The following ADGRL2 variants were observed in gnomAD, a reference collection of about 807,000 sequenced individuals.
ADGRL2 encodes adhesion G protein-coupled receptor L2, also known as calcium-independent alpha-latrotoxin receptor 2.
Under a neutral mutation model 157.4 loss-of-function variants are expected in ADGRL2, and 44 were observed. The ratio of observed to expected loss-of-function variants is 0.28; its 90% confidence interval spans 0.22 to 0.36. The LOEUF is 0.36. ADGRL2 is among the 10% of genes least tolerant of loss of function. ADGRL2 has a pLI of 1.00. For synonymous variants in ADGRL2, 585 were observed against 624.7 expected, an observed-to-expected ratio of 0.94 and a Z score of 0.95; for missense variants, 1,510 against 1,768.9, an observed-to-expected ratio of 0.85 and a Z score of 2.63.
At chr1:81,666,849 A>G (rs2082761010) in intron 3 of ADGRL2, among the ~76,000 whole-genome samples, 1 of 152,238 alleles carries the variant, frequency 6.6e-6, no homozygotes, top group Non-Finnish European at 1.5e-5. Flanking sequence ...CTTATTAAAC[A>G]GAAGCTAATG....
intron 6 of ADGRL2, among the ~76,000 whole-genome samples, chr1:81,945,057 A>G (rs967932107): frequency 6.6e-6 from 1 of 152,146 alleles, no homozygotes; most frequent in Admixed American, 6.6e-5. Flanking sequence ...TTTGGCTTAT[A>G]GTTGTAGCAG....
rs1299773612 is a variant in ADGRL2, at chr1:81,800,938, G to A, written c.-231G>A. On this transcript the variant is annotated 5_prime_UTR_variant, in exon 1 of 24. It adds an upstream start codon to the 5' untranslated region. Coordinates refer to ENST00000686636, the MANE Select transcript of ADGRL2 (RefSeq NM_001366006.2). ...CGCCTCCGGGGCGCGTTCCACGGCC[G>A]TGCGCGCGCGTCCCTCGCCGCCACC... is the stretch of plus-strand genomic sequence containing the variant. 6.7e-6 allele frequency among the ~76,000 whole-genome samples: 1 copy of A among 148,992 alleles called. No individual in the cohort carries two copies. The highest frequency in any genetic ancestry group is 1.5e-5 in the Non-Finnish European group (1 of 66,964).
intron 1 of ADGRL2, among the ~76,000 whole-genome samples, chr1:81,726,217 C>G (rs758259508): frequency 1.2e-4 from 18 of 152,324 alleles, no homozygotes; most frequent in Non-Finnish European, 2.4e-4. Context: ...GAGAACTTCT[C>G]TCTCACAACC....
chr1:81,448,385 A>T (rs1233776967), intron 2 of ADGRL2, among the ~76,000 whole-genome samples: 2 of 151,764 alleles, frequency 1.3e-5, no homozygotes, highest in Non-Finnish European at 2.9e-5. Flanking sequence ...ACCTCAGGTG[A>T]TCCACCTACC....
chr1:81,826,786 C>A (rs2091521272), intron 1 of ADGRL2, among the ~76,000 whole-genome samples: 1 of 152,106 alleles, frequency 6.6e-6, no homozygotes. Context: ...TTTAAAATTT[C>A]ATTTACAGTA....
intron 1 of ADGRL2, among the ~76,000 whole-genome samples, chr1:81,715,848 A>G (rs142556157): frequency 1.3e-5 from 2 of 152,260 alleles, no homozygotes; most frequent in African/African-American, 4.8e-5. Flanking sequence ...CAGTACCTGG[A>G]TTATAATTAA....
intron 1 of ADGRL2, among the ~76,000 whole-genome samples, chr1:81,824,786 GA>G (rs1310745602): frequency 1.3e-5 from 2 of 152,110 alleles, no homozygotes; most frequent in Non-Finnish European, 1.5e-5. Context: ...AGGTGGAGGG[GA>G]AAGATGTTTT....
At chr1:81,502,250 C>T in intron 2 of ADGRL2, 2 of 1,612,818 alleles carry the variant, frequency 1.2e-6, no homozygotes, top group South Asian at 1.1e-5. Flanking sequence ...TAAAGAAGAC[C>T]ATACCAAAGA....
intron 1 of ADGRL2, among the ~76,000 whole-genome samples, chr1:81,760,191 G>A (rs1194132887): frequency 6.6e-6 from 1 of 152,024 alleles, no homozygotes; most frequent in East Asian, 1.9e-4. Flanking sequence ...AATTGTTAGA[G>A]GTGTTATCAG....
intron 2 of ADGRL2, among the ~76,000 whole-genome samples, chr1:81,508,659 T>C (rs2079022374): frequency 6.6e-6 from 1 of 152,302 alleles, no homozygotes; most frequent in Admixed American, 6.5e-5. Flanking sequence ...CCTACCTACA[T>C]GAAGCCCTAT....
chr1:81,661,188 T>TAATTAATTAATATATACCATA (rs1174760859), intron 3 of ADGRL2, among the ~76,000 whole-genome samples: 1 of 68,036 alleles, frequency 1.5e-5, no homozygotes, highest in Admixed American at 1.8e-4. Context: ...CCATAAGCAT[T>TAATTAATTAATATATACCATA]TTTTTTATTA....
intron 1 of ADGRL2, among the ~76,000 whole-genome samples, chr1:81,366,088 A>T (rs1184202099): frequency 6.6e-6 from 1 of 152,186 alleles, no homozygotes; most frequent in African/African-American, 2.4e-5. Context: ...ACAGACTGTC[A>T]TTCTTTTTAT....
intron 2 of ADGRL2, among the ~76,000 whole-genome samples, chr1:81,488,573 G>A (rs566656423): frequency 8.0e-4 from 121 of 151,802 alleles, no homozygotes; most frequent in Admixed American, 1.3e-3. Context: ...ACTGGATATG[G>A]TGGCACACAC....
chr1:81,470,573 A>T (rs927775039), intron 2 of ADGRL2, among the ~76,000 whole-genome samples: 4 of 152,310 alleles, frequency 2.6e-5, no homozygotes, highest in Middle Eastern at 3.4e-3. Flanking sequence ...TTTTCAAATA[A>T]ATCTTCTTTC....
chr1:81,733,665 A>G (rs2084800366), intron 1 of ADGRL2, among the ~76,000 whole-genome samples: 1 of 152,182 alleles, frequency 6.6e-6, no homozygotes, highest in Admixed American at 6.5e-5. Flanking sequence ...ACGGGGCACA[A>G]TTTAGCCCAT....
chr1:81,547,067 C>G (rs141618532), intron 2 of ADGRL2, among the ~76,000 whole-genome samples: 1 of 152,158 alleles, frequency 6.6e-6, no homozygotes, highest in South Asian at 2.1e-4. Context: ...CTTTATCTAC[C>G]GTGAATGGCT....
chr1:81,783,984 A>C (rs2086923784), intron 2 of ADGRL2, among the ~76,000 whole-genome samples: 1 of 152,214 alleles, frequency 6.6e-6, no homozygotes, highest in Non-Finnish European at 1.5e-5. Flanking sequence ...TTTATAAATT[A>C]GAAAAAAGCA....
In ADGRL2 at chr1:81,427,016, C is replaced by A. The variant is rs1319583853; in HGVS notation, c.-301-18020C>A. 1.4e-5 allele frequency: 14 copies of A among 1,020,864 alleles called. No individual in the cohort carries two copies. The African/African-American group carries it at 1.4e-4, about 10-fold the overall frequency. 63.2% of individuals were successfully genotyped at this position (1,020,864 alleles called of 1,614,324 possible). ...TGATAACATTGTTATTCAGAAATAC[C>A]ACAGTTGATAACATTGTTATTCAGA... On this transcript the variant is annotated intron_variant, in intron 1 of 24. Transcript: ENST00000370721.
At chr1:81,908,874 CTTTCT>C (rs1384147930) in intron 3 of ADGRL2, among the ~76,000 whole-genome samples, 1 of 105,224 alleles carries the variant, frequency 9.5e-6, no homozygotes, top group Non-Finnish European at 1.8e-5. Flanking sequence ...TCTTTTTTTT[CTTTCT>C]TTTTTTTTTT....
Sources: gnomAD v4.1 joint callset for allele counts (sites outside exome capture counted in the v4.1 genomes callset) on GRCh38, gnomAD v4.1.1 for gene constraint, MANE v1.5 for transcripts, NCBI Gene and HGNC (gene_info 2026-07-23, HGNC 2026-07-21) for gene names.